Variants in NDST1 observed in about 807,000 individuals in gnomAD.
The protein encoded by NDST1 is bifunctional heparan sulfate N-deacetylase/N-sulfotransferase 1.
In NDST1, 35 loss-of-function variants were observed where a neutral mutation model predicts 92.8. The ratio of observed to expected loss-of-function variants is 0.38; its 90% CI spans 0.29 to 0.50. The LOEUF (loss-of-function observed/expected upper bound fraction) is 0.50, where lower values mean the gene tolerates loss of function less well. Ranked by LOEUF, NDST1 falls within the 20% of genes least tolerant of loss-of-function variation. NDST1 has a pLI of 0.94. For synonymous variants in NDST1, 493 were observed against 500.3 expected (o/e 0.99, Z 0.19); for missense variants, 822 against 1,182.7 (o/e 0.69, Z 4.47).
Position 150,542,841 on chromosome 5 carries a change from CCCACAGGCA to C in NDST1, c.1847-2_1853del. On this transcript the variant is annotated splice_acceptor_variant and splice_polypyrimidine_tract_variant and coding_sequence_variant and intron_variant, in exon 10 of 15. Transcript: ENST00000261797. LOFTEE classifies it high-confidence loss of function. ...CCCTGGGTCTCAGGTGTCTACCCTC[CCCACAGGCA>C]CCACTGCCCTCTACCTGTTCCTGGG... 3.1e-6 allele frequency: 5 copies of C among 1,614,064 alleles called. No homozygotes were observed. The highest frequency in any genetic ancestry group is 4.2e-6 in the Non-Finnish European group (5 of 1,179,946).
At chr5:150,525,059 C>T (rs952653703) in intron 2 of NDST1, among the ~76,000 whole-genome samples, 1 of 152,214 alleles carries the variant, frequency 6.6e-6, no homozygotes, top group African/African-American at 2.4e-5. Context: ...TGGCCTCCAC[C>T]TCTGCGTTCC....
At chr5:150,539,117 T>A in intron 6 of NDST1, 111 bp from the exon 7 acceptor site, 3 of 893,572 alleles carry the variant, frequency 3.4e-6, no homozygotes, top group South Asian at 1.4e-5. Flanking sequence ...TGCGACCACA[T>A]GGAGACTGCC....
chr5:150,551,673 T>C, intron 13 of NDST1, 80 bp from the exon 14 acceptor site: 1 of 1,547,288 alleles, frequency 6.5e-7, no homozygotes, highest in Non-Finnish European at 8.8e-7. Context: ...CTGCCATTCC[T>C]GGGGTCCATG....
chr5:150,540,325 A>G, intron 8 of NDST1, 61 bp downstream of exon 8: 1 of 1,518,224 alleles, frequency 6.6e-7, no homozygotes, highest in South Asian at 1.3e-5. Flanking sequence ...ACTCACAGGC[A>G]CACACTCCAG....
chr5:150,501,441 T>G (rs887245545), intron 1 of NDST1, among the ~76,000 whole-genome samples: 1 of 152,154 alleles, frequency 6.6e-6, no homozygotes, highest in South Asian at 2.1e-4. Context: ...ACGTAAAGTC[T>G]TGTCATCCAT....
chr5:150,547,005 G>A (rs1392613850), intron 11 of NDST1, among the ~76,000 whole-genome samples: 2 of 152,226 alleles, frequency 1.3e-5, no homozygotes, highest in African/African-American at 4.8e-5. Flanking sequence ...AGAGAGAGCC[G>A]CCACAGGTTG....
chr5:150,516,329 A>T (rs1464445343), intron 1 of NDST1, among the ~76,000 whole-genome samples: 1 of 152,250 alleles, frequency 6.6e-6, no homozygotes, highest in Non-Finnish European at 1.5e-5. Context: ...TGTGATCCAC[A>T]TCGTGAGGGA....
chr5:150,539,660 A>G (rs756215909), intron 7 of NDST1: 1 of 985,030 alleles, frequency 1.0e-6, no homozygotes, highest in African/African-American at 1.7e-5. Context: ...ATACACACAC[A>G]TATATGAACA....
Position 150,541,661 on chromosome 5 carries a change from A to G in NDST1, c.1841A>G (p.Lys614Arg). The G allele has an allele frequency of 6.2e-7, 1 of 1,614,110 alleles. No homozygotes were observed. Among genetic ancestry groups the G allele is most frequent in the Non-Finnish European group, 8.5e-7 (1 of 1,179,994 alleles). ...AAGCTCCTCATCATCGGCCCCCAGA[A>G]AACAGGCAGGTCTCTCTGCTCTTGA... ...FPKLLIIGPQ[K>R]TGTTALYLFL... The change falls in exon 9 of 15, where the codon AAA becomes AGA. Residue 614 changes from lysine to arginine, a missense_variant. Transcript: ENST00000261797.
Position 150,554,404 on chromosome 5 carries a change from T to C in NDST1, c.*1072T>C, listed in dbSNP as rs1371210685. ...CTATTTTTTTTGGTTGGGTTCGTTT[T>C]TAATTCAGTCCTACAAAATGGTGGT... On this transcript the variant is annotated 3_prime_UTR_variant, in exon 15 of 15. Transcript: ENST00000261797. The C allele has an allele frequency of 6.5e-6, 1 of 153,252 alleles. No individual in the cohort carries two copies. The highest frequency in any genetic ancestry group is 2.4e-5 in the African/African-American group (1 of 41,064). 9.5% of individuals were successfully genotyped at this position (153,252 alleles called of 1,614,324 possible).
intron 1 of NDST1, among the ~76,000 whole-genome samples, chr5:150,510,595 G>A (rs377493556): frequency 1.6e-4 from 25 of 152,326 alleles, no homozygotes; most frequent in African/African-American, 5.3e-4. Flanking sequence ...ATGTTTGCTC[G>A]GTAAGCCCTT....
chr5:150,549,747 C>T lies in NDST1; in HGVS notation c.2386C>T (p.Leu796Phe). 2.5e-6 allele frequency: 4 copies of T among 1,613,936 alleles called. No homozygotes were observed. The highest frequency in any genetic ancestry group is 3.4e-6 in the Non-Finnish European group (4 of 1,179,796). Residue 796 changes from leucine (L) to phenylalanine (F), a missense_variant, in exon 13 of 15, where the codon CTT becomes TTT. By Grantham distance (22) the Leu-to-Phe change is conservative. Transcript: ENST00000261797. ...AGTGATGGACATGGTGCAGAAGTTC[C>T]TTGGGGTGACCAACACCATTGACTA... is the stretch of plus-strand genomic sequence containing the variant. Reference protein sequence around the residue: ...AKVMDMVQKFLGVTNTIDYHK... With the variant: ...AKVMDMVQKFFGVTNTIDYHK...
chr5:150,545,618 C>A (rs1170072308), intron 11 of NDST1, 132 bp downstream of exon 11: 4 of 1,159,502 alleles, frequency 3.4e-6, no homozygotes, highest in Admixed American at 2.1e-5. Context: ...GCGCCTGGAG[C>A]GTGGTGATGG....
At chr5:150,540,775 A>G (rs1023241880) in intron 8 of NDST1, among the ~76,000 whole-genome samples, 14 of 152,164 alleles carry the variant, frequency 9.2e-5, no homozygotes, top group African/African-American at 3.1e-4. Context: ...TGATCACACC[A>G]CTGTACTCCA....
At chr5:150,549,623 C>A in intron 12 of NDST1, 55 bp from the exon 13 acceptor site, 2 of 1,074,354 alleles carry the variant, frequency 1.9e-6, no homozygotes, top group Admixed American at 3.6e-5. Context: ...GTGGCTGTTG[C>A]CCTTGTTTGC....
intron 2 of NDST1, among the ~76,000 whole-genome samples, chr5:150,526,444 T>C (rs764823380): frequency 5.9e-5 from 9 of 152,214 alleles, no homozygotes; most frequent in Non-Finnish European, 4.4e-5. Context: ...ATTGAGCGTC[T>C]ATCTATGCCA....
chr5:150,517,216 A>G (rs1160091298), intron 1 of NDST1, among the ~76,000 whole-genome samples: 1 of 151,714 alleles, frequency 6.6e-6, no homozygotes, highest in African/African-American at 2.4e-5. Flanking sequence ...CAGTGGCACA[A>G]TTATGGCCAC....
chr5:150,504,679 G>T (rs926264754), upstream of NDST1, among the ~76,000 whole-genome samples: 1 of 152,168 alleles, frequency 6.6e-6, no homozygotes, highest in South Asian at 2.1e-4. Context: ...TCCTGGCCTG[G>T]TGACCTTGGG....
rs573681213 is a variant in NDST1, at chr5:150,521,960, G to A, written c.513+193G>A. 6.6e-6 allele frequency among the ~76,000 whole-genome samples: 1 copy of A among 152,156 alleles called. No homozygotes were observed. Among genetic ancestry groups the A allele is most frequent in the Non-Finnish European group, 1.5e-5 (1 of 68,026 alleles). ...CCTGGCAAGTGCTTTGTAAGTATTAGGGGAGCGTGCCAGGGGGATCGCCTG... is the reference window on the plus strand; with the variant it reads ...CCTGGCAAGTGCTTTGTAAGTATTAAGGGAGCGTGCCAGGGGGATCGCCTG... On this transcript the variant is annotated intron_variant, in intron 2 of 14. Transcript: ENST00000261797. This position sits in a 1 kb window ranked among gnomAD's most constrained non-coding sequence, Gnocchi z 5.9.
Sources: gnomAD v4.1 joint callset for allele counts (sites outside exome capture counted in the v4.1 genomes callset) on GRCh38, gnomAD v4.1.1 for gene constraint, Gnocchi (gnomAD v3.1) non-coding constraint, MANE v1.5 for transcripts, NCBI Gene and HGNC (gene_info 2026-07-23, HGNC 2026-07-21) for gene names.